The following PAPPA variants were observed in gnomAD, a reference collection of about 807,000 sequenced individuals.
PAPPA encodes the protein pappalysin-1.
PAPPA carries 60 observed loss-of-function variants against 164.0 expected under a neutral mutation model. That is an observed-to-expected ratio of 0.37 (90% CI 0.30 to 0.45). PAPPA has a LOEUF of 0.45. Among genes scored for constraint, PAPPA ranks in the 20% least tolerant of loss-of-function variants. The probability of loss-of-function intolerance (pLI) is 1.00; values close to 1 mark genes in which losing one functional copy is unlikely to be tolerated. For missense variants in PAPPA, 1,782 were observed against 2,087.3 expected (o/e 0.85, Z 2.85); for synonymous variants, 875 against 814.1 (o/e 1.07, Z -1.27).
At position 116,348,305 on chromosome 9, in the gene PAPPA, G is replaced by T. The variant is rs1314189816; in HGVS notation, c.3964+1096G>T. The stretch of plus-strand genomic sequence containing the variant: ...TACTGGCAGCAAGGACTGGGCAAAG[G>T]TCCTGCTGCCTTTCTCTTGAACTTG... On this transcript the variant is annotated intron_variant, in intron 15 of 21. Coordinates refer to ENST00000328252, the MANE Select transcript of PAPPA (RefSeq NM_002581.5). Among the ~76,000 whole-genome samples, 5 of 151,632 alleles carry T rather than the reference G, an allele frequency of 3.3e-5. No individual in the cohort carries two copies. In the East Asian group the frequency reaches 7.8e-4, roughly 24 times the overall value.
rs944254561 is a variant in PAPPA, at chr9:116,395,032, A to G, written c.4777-1477A>G. Among the ~76,000 whole-genome samples, 9 of 152,156 alleles carry G rather than the reference A, an allele frequency of 5.9e-5. 1 individual carries two copies. The highest frequency in any genetic ancestry group is 2.2e-4 in the African/African-American group (9 of 41,440). ...GAGAGAGAAAGAGACAGAATAATTG[A>G]GCACTTAGCATATGTCAAGCACTGT... On this transcript the variant is annotated intron_variant, in intron 21 of 21. Transcript: ENST00000328252.
chr9:116,222,662 AAAG>A (rs1844460125), intron 5 of PAPPA, among the ~76,000 whole-genome samples: 1 of 152,182 alleles, frequency 6.6e-6, no homozygotes, highest in African/African-American at 2.4e-5. Context: ...ATAGAGGTAG[AAAG>A]TAGAATGATG....
chr9:116,276,678 G>A (rs1163817234), intron 9 of PAPPA, among the ~76,000 whole-genome samples: 1 of 152,174 alleles, frequency 6.6e-6, no homozygotes, highest in East Asian at 1.9e-4. Flanking sequence ...TCCCAGACGT[G>A]GAGGCATTCC....
chr9:116,274,649 C>T (rs1193339862), intron 9 of PAPPA, among the ~76,000 whole-genome samples: 1 of 152,188 alleles, frequency 6.6e-6, no homozygotes, highest in Non-Finnish European at 1.5e-5. Flanking sequence ...AGCCCTAGAA[C>T]CCAACAGTGG....
intron 7 of PAPPA, among the ~76,000 whole-genome samples, chr9:116,258,397 CT>C (rs1169384925): frequency 6.6e-6 from 1 of 152,078 alleles, no homozygotes; most frequent in Non-Finnish European, 1.5e-5. Context: ...TGGCTCATGC[CT>C]GTAATCCCAG....
At chr9:116,228,447 C>T (rs1386884444) in intron 6 of PAPPA, among the ~76,000 whole-genome samples, 1 of 152,092 alleles carries the variant, frequency 6.6e-6, no homozygotes, top group Non-Finnish European at 1.5e-5. Flanking sequence ...TCTCACTGAA[C>T]ACCAGTGAGA....
At chr9:116,177,759 A>G (rs1843854352) in intron 1 of PAPPA, among the ~76,000 whole-genome samples, 1 of 152,122 alleles carries the variant, frequency 6.6e-6, no homozygotes, top group Admixed American at 6.6e-5. Context: ...GACAGCCCCA[A>G]CATCAGCCCT....
chr9:116,266,472 A>T (rs1255457977), intron 8 of PAPPA, among the ~76,000 whole-genome samples: 1 of 152,254 alleles, frequency 6.6e-6, no homozygotes, highest in East Asian at 1.9e-4. Context: ...TCAAAGGCTT[A>T]TAAAAACAGT....
chr9:116,364,060 T>A (rs1489437881), intron 18 of PAPPA, among the ~76,000 whole-genome samples: 2 of 152,208 alleles, frequency 1.3e-5, no homozygotes, highest in Non-Finnish European at 2.9e-5. Context: ...TGGGATCTTA[T>A]AGGACCTGCT....
chr9:116,213,616 C>A (rs1038826199), intron 4 of PAPPA, among the ~76,000 whole-genome samples: 3 of 152,092 alleles, frequency 2.0e-5, no homozygotes, highest in Non-Finnish European at 4.4e-5. Flanking sequence ...AGTTTGCCGG[C>A]CTCTTAGGGG....
chr9:116,324,059 C>T (rs1845892594), intron 10 of PAPPA, among the ~76,000 whole-genome samples: 1 of 152,184 alleles, frequency 6.6e-6, no homozygotes, highest in Non-Finnish European at 1.5e-5. Flanking sequence ...GGAAAGACAA[C>T]AAGAAGTCCC....
intron 10 of PAPPA, among the ~76,000 whole-genome samples, chr9:116,321,750 T>C (rs1193997238): frequency 1.3e-5 from 2 of 152,188 alleles, no homozygotes; most frequent in Non-Finnish European, 2.9e-5. Context: ...TAGTTTAACA[T>C]AGGGGACATT....
In PAPPA at chr9:116,188,133, G is replaced by A. The variant is rs1351372433; in HGVS notation, c.1395G>A (p.Arg465=). The A allele has an allele frequency of 6.2e-7, 1 of 1,614,214 alleles. No homozygotes were observed. The part of the protein sequence containing the change: ...GVCDMDCNYE[R]FNFDGGECCD... ...GTGACATGGACTGCAACTATGAACG[G>A]TTCAACTTTGATGGTGGAGAGTGCT... Residue 465 remains arginine (R), a synonymous_variant, in exon 2 of 22, where the codon CGG becomes CGA. Transcript: ENST00000328252.
chr9:116,336,938 A>T (rs1846069191), intron 13 of PAPPA, among the ~76,000 whole-genome samples: 1 of 152,210 alleles, frequency 6.6e-6, no homozygotes, highest in Non-Finnish European at 1.5e-5. Context: ...ATAGAAAGGA[A>T]CATTATCTTA....
intron 17 of PAPPA, among the ~76,000 whole-genome samples, chr9:116,357,067 C>CAAAT (rs1846363854): frequency 6.6e-6 from 1 of 152,180 alleles, no homozygotes; most frequent in African/African-American, 2.4e-5. Flanking sequence ...GTCCCTTGCT[C>CAAAT]AAATAAACCT....
intron 4 of PAPPA, among the ~76,000 whole-genome samples, chr9:116,218,399 G>A (rs189398403): frequency 6.6e-6 from 1 of 152,272 alleles, no homozygotes; most frequent in Admixed American, 6.5e-5. Flanking sequence ...TTTTAAGATT[G>A]GAAGAGCCCT....
chr9:116,191,272 T>C (rs938693185), intron 2 of PAPPA, among the ~76,000 whole-genome samples: 1 of 152,180 alleles, frequency 6.6e-6, no homozygotes. Flanking sequence ...GAGGGCTTTG[T>C]CTGTGGGTGA....
At chr9:116,247,977 G>C (rs1587970730) in intron 7 of PAPPA, among the ~76,000 whole-genome samples, 1 of 152,264 alleles carries the variant, frequency 6.6e-6, no homozygotes, top group East Asian at 1.9e-4. Flanking sequence ...TAAGATAATA[G>C]ACTTGCAAGA....
At chr9:116,350,400 G>A (rs1013122301) in intron 15 of PAPPA, among the ~76,000 whole-genome samples, 1 of 152,114 alleles carries the variant, frequency 6.6e-6, no homozygotes, top group African/African-American at 2.4e-5. Flanking sequence ...TTTGTTGCAG[G>A]GGTGGGGGGA....
Sources: gnomAD v4.1 joint callset for allele counts (sites outside exome capture counted in the v4.1 genomes callset) on GRCh38, gnomAD v4.1.1 for gene constraint, MANE v1.5 for transcripts, NCBI Gene and HGNC (gene_info 2026-07-23, HGNC 2026-07-21) for gene names.